Variants in SYNJ2 observed in about 807,000 individuals in gnomAD.
The protein encoded by SYNJ2 is polyphosphatidylinositol phosphatase SYNJ2.
A neutral mutation model predicts 141.3 loss-of-function variants in SYNJ2; 116 were observed. That is an observed-to-expected ratio of 0.82 (90% CI 0.71 to 0.96). The LOEUF is 0.96. Among genes scored for constraint, SYNJ2 ranks in the 40% least tolerant of loss-of-function variants. SYNJ2 has a pLI of 0.00. For synonymous variants in SYNJ2, 745 were observed against 777.7 expected (o/e 0.96, Z 0.70); for missense variants, 1,873 against 1,934.8 (o/e 0.97, Z 0.60).
rs762162556 is a variant in SYNJ2, at chr6:158,064,931, G to T, written c.1465G>T (p.Val489Phe). Residue 489 changes from valine (V) to phenylalanine (F), a missense_variant, in exon 11 of 27, where the codon GTC becomes TTC. Physicochemically the swap from Val to Phe is conservative, Grantham distance 50. Transcript: ENST00000355585. Reference protein sequence around the residue: ...EAIKLLLVGDVYGEEVADKGG... With the variant: ...EAIKLLLVGDFYGEEVADKGG... ...CATCAAGCTGCTGCTGGTTGGGGACGTCTACGGCGAGGAGGTGGCAGACAA... is the reference window on the plus strand; with the variant it reads ...CATCAAGCTGCTGCTGGTTGGGGACTTCTACGGCGAGGAGGTGGCAGACAA... 44 of 1,613,310 alleles carry T rather than the reference G, an allele frequency of 2.7e-5. No homozygotes were observed. The Admixed American group carries it at 7.2e-4, about 26-fold the overall frequency.
In SYNJ2 at chr6:158,063,936, C is replaced by T; in HGVS notation, c.1209+64C>T. On this transcript the variant is annotated intron_variant, in intron 9 of 26. Coordinates refer to ENST00000355585, the MANE Select transcript of SYNJ2 (RefSeq NM_003898.4). ...GGTCCTGTGACTTCAGCTGGACAGGCTGGGCTGAGCACCTTTAGCGGCAAG... is the reference window on the plus strand; with the variant it reads ...GGTCCTGTGACTTCAGCTGGACAGGTTGGGCTGAGCACCTTTAGCGGCAAG... The T allele has an allele frequency of 6.5e-7, 1 of 1,546,806 alleles. No individual in the cohort carries two copies. The highest frequency in any genetic ancestry group is 8.9e-7 in the Non-Finnish European group (1 of 1,122,880).
rs752428839 is a variant in SYNJ2, at chr6:158,017,257, TA to T, written c.182del (p.Tyr61SerfsTer7). 3 of 1,613,154 alleles carry T rather than the reference TA, an allele frequency of 1.9e-6. No individual in the cohort carries two copies. Among genetic ancestry groups the T allele is most frequent in the Non-Finnish European group, 2.5e-6 (3 of 1,179,912 alleles). On this transcript the variant is annotated frameshift_variant, in exon 2 of 27. Coordinates refer to ENST00000355585, the MANE Select transcript of SYNJ2 (RefSeq NM_003898.4). LOFTEE classifies it high-confidence loss of function. Reference protein sequence around the residue: ...KGQYGKLTDAYGCLGELRLKS... With the variant: ...KGQYGKLTDAXGCLGELRLKS... ...ACAGTATGGCAAGCTCACGGACGCGTACGGCTGCCTGGGGGAGCTGAGGCTG... is the reference window on the plus strand; with the variant it reads ...ACAGTATGGCAAGCTCACGGACGCGTCGGCTGCCTGGGGGAGCTGAGGCTG...
chr6:158,046,720 T>C (rs1326816686), intron 5 of SYNJ2, among the ~76,000 whole-genome samples: 1 of 152,236 alleles, frequency 6.6e-6, no homozygotes, highest in East Asian at 1.9e-4. Flanking sequence ...AGCAGCCGTG[T>C]ACCTTTAATA....
At position 158,096,559 on chromosome 6, in the gene SYNJ2, C is replaced by T. The variant is rs1422596859; in HGVS notation, c.*195C>T. ...CTCAGCCACCAAAATATATTTCACT[C>T]AAGGCTTGTACATCTGAAGTTTGCT... is the stretch of plus-strand genomic sequence containing the variant. On this transcript the variant is annotated 3_prime_UTR_variant, in exon 27 of 27. Coordinates refer to ENST00000355585, the MANE Select transcript of SYNJ2 (RefSeq NM_003898.4). The T allele has an allele frequency of 1.8e-6, 1 of 552,810 alleles. No homozygotes were observed. The highest frequency in any genetic ancestry group is 3.3e-5 in the East Asian group (1 of 30,034). 34.2% of individuals were successfully genotyped at this position (552,810 alleles called of 1,614,324 possible). A position where few individuals can be genotyped will look rare whatever the true frequency, so the allele number is the denominator to read the frequency against.
chr6:158,089,722 T>C, intron 24 of SYNJ2, 117 bp from the exon 25 acceptor site: 1 of 650,832 alleles, frequency 1.5e-6, no homozygotes, highest in South Asian at 1.9e-5. Context: ...GGCTGGAGTT[T>C]GTATGGTCAG....
At chr6:158,094,212 T>G (rs1783655648) in intron 26 of SYNJ2, 2 of 485,870 alleles carry the variant, frequency 4.1e-6, no homozygotes, top group Non-Finnish European at 7.3e-6. Flanking sequence ...AGTGGACCTT[T>G]TTCCTCCGCC....
intron 5 of SYNJ2, among the ~76,000 whole-genome samples, chr6:158,053,673 C>G (rs1224550768): frequency 6.6e-6 from 1 of 151,698 alleles, no homozygotes; most frequent in African/African-American, 2.4e-5. Context: ...ACCCATCCCT[C>G]TATCCAGCCA....
intron 1 of SYNJ2, among the ~76,000 whole-genome samples, chr6:157,995,737 G>A (rs980063501): frequency 6.6e-6 from 1 of 152,198 alleles, no homozygotes; most frequent in African/African-American, 2.4e-5. Context: ...TGAGCCGGGT[G>A]ACAAGCTGCT....
intron 1 of SYNJ2, among the ~76,000 whole-genome samples, chr6:158,016,374 A>G (rs933139234): frequency 6.6e-6 from 1 of 152,140 alleles, no homozygotes; most frequent in African/African-American, 2.4e-5. Context: ...TTCGCCTCCC[A>G]AAGTGCTGGG....
chr6:158,055,895 C>G (rs1780842129), intron 6 of SYNJ2, among the ~76,000 whole-genome samples: 2 of 152,132 alleles, frequency 1.3e-5, no homozygotes, highest in South Asian at 4.1e-4. Context: ...AAGACCATTG[C>G]CTTTTCCAAA....
chr6:157,991,228 C>T (rs1244070757), intron 1 of SYNJ2, among the ~76,000 whole-genome samples: 4 of 152,164 alleles, frequency 2.6e-5, no homozygotes, highest in Admixed American at 6.5e-5. Context: ...AGGTGAGGGA[C>T]GAACCTTAAG....
intron 25 of SYNJ2, among the ~76,000 whole-genome samples, chr6:158,092,368 C>T (rs1186058675): frequency 5.9e-5 from 9 of 152,178 alleles, no homozygotes; most frequent in African/African-American, 1.4e-4. Context: ...CTGCTGGGTG[C>T]GGTGGCTCAC....
At chr6:158,075,980 C>T (rs1782259994) in intron 16 of SYNJ2, among the ~76,000 whole-genome samples, 1 of 128,478 alleles carries the variant, frequency 7.8e-6, no homozygotes, top group African/African-American at 3.1e-5. Flanking sequence ...TGCCTAAGCC[C>T]AGGAGTTTGA....
At position 158,028,955 on chromosome 6, in the gene SYNJ2, T is replaced by A. The variant is rs1779207858; in HGVS notation, c.414T>A (p.Ser138=). 6.2e-7 allele frequency: 1 copy of A among 1,614,018 alleles called. No homozygotes were observed. The highest frequency in any genetic ancestry group is 1.1e-5 in the South Asian group (1 of 91,070). The change falls in exon 3 of 27, where the codon TCT becomes TCA. Residue 138 remains serine (S), a synonymous_variant. Coordinates refer to ENST00000355585, the MANE Select transcript of SYNJ2 (RefSeq NM_003898.4). ...VFYFSWPNDG[S]RFDLTVRTQK... ...ATTTCTCATGGCCAAACGATGGGTCTCGCTTTGACCTGACTGTCCGCACGC... is the reference window on the plus strand; with the variant it reads ...ATTTCTCATGGCCAAACGATGGGTCACGCTTTGACCTGACTGTCCGCACGC...
chr6:158,020,574 T>A (rs1265517807), intron 2 of SYNJ2, among the ~76,000 whole-genome samples: 1 of 151,804 alleles, frequency 6.6e-6, no homozygotes, highest in Non-Finnish European at 1.5e-5. Context: ...ACTATATGAC[T>A]GACTTCAACC....
chr6:158,011,363 G>A (rs1181337145), intron 1 of SYNJ2, among the ~76,000 whole-genome samples: 3 of 152,050 alleles, frequency 2.0e-5, no homozygotes, highest in East Asian at 1.9e-4. Context: ...TGCTGCCTGG[G>A]GCCTCCCAGT....
At chr6:158,003,002 A>G (rs545584710) in intron 1 of SYNJ2, among the ~76,000 whole-genome samples, 78 of 152,308 alleles carry the variant, frequency 5.1e-4, no homozygotes, top group African/African-American at 1.8e-3. Flanking sequence ...CTCTTTGGCC[A>G]CAGCTCAGTG....
chr6:158,037,067 C>T (rs918383100), intron 4 of SYNJ2, among the ~76,000 whole-genome samples: 2 of 152,164 alleles, frequency 1.3e-5, no homozygotes, highest in Non-Finnish European at 2.9e-5. Context: ...CATTCTAACA[C>T]GGAAAATGAA....
At chr6:158,053,991 C>G (rs1161591842) in intron 5 of SYNJ2, among the ~76,000 whole-genome samples, 1 of 147,498 alleles carries the variant, frequency 6.8e-6, no homozygotes, top group East Asian at 2.0e-4. Context: ...CATCCCCATT[C>G]ACCCATCCAT....
Sources: gnomAD v4.1 joint callset for allele counts (sites outside exome capture counted in the v4.1 genomes callset) on GRCh38, gnomAD v4.1.1 for gene constraint, MANE v1.5 for transcripts, NCBI Gene and HGNC (gene_info 2026-07-23, HGNC 2026-07-21) for gene names.